SCN10A: variants seen among roughly 807,000 people sequenced by gnomAD.
The protein encoded by SCN10A is sodium channel protein type 10 subunit alpha.
A neutral mutation model predicts 170.7 loss-of-function variants in SCN10A; 162 were observed. The ratio of observed to expected loss-of-function variants is 0.95; its 90% CI spans 0.84 to 1.08. The LOEUF is 1.08. Among genes scored for constraint, SCN10A ranks in the 50% least tolerant of loss-of-function variants. The probability of loss-of-function intolerance (pLI) is 0.00; values close to 1 mark genes in which losing one functional copy is unlikely to be tolerated. For synonymous variants in SCN10A, 985 were observed against 904.6 expected (o/e 1.09, Z -1.59); for missense variants, 2,527 against 2,436.9 (o/e 1.04, Z -0.78).
At chr3:38,751,769 G>T (rs184961423) in intron 12 of SCN10A, among the ~76,000 whole-genome samples, 43 of 152,284 alleles carry the variant, frequency 2.8e-4, no homozygotes, top group African/African-American at 1.0e-3. Context: ...AAGGAATACT[G>T]TGCTTCTATT....
chr3:38,800,864 G>A (rs1300963523), intron 1 of SCN10A, among the ~76,000 whole-genome samples: 1 of 152,140 alleles, frequency 6.6e-6, no homozygotes, highest in Non-Finnish European at 1.5e-5. Flanking sequence ...GGCTATAGTA[G>A]CACCTTGACT....
intron 27 of SCN10A, among the ~76,000 whole-genome samples, 168 bp from the exon 28 acceptor site, chr3:38,698,730 G>A (rs2063125526): frequency 6.6e-6 from 1 of 152,114 alleles, no homozygotes; most frequent in Non-Finnish European, 1.5e-5. Flanking sequence ...CAAAGTAGGG[G>A]CTCAGTAAAT....
rs779477877 is a variant in SCN10A at position 38,792,145 on chromosome 3, C to G, written c.294G>C (p.Gly98=). The G allele has an allele frequency of 2.5e-6, 4 of 1,613,826 alleles. No individual in the cohort carries two copies. The Admixed American group carries it at 6.7e-5, about 27-fold the overall frequency. Residue 98 remains glycine (G), a synonymous_variant, in exon 3 of 28, where the codon GGG becomes GGC. Transcript: ENST00000449082. ...THRTFMVLNK[G]RTISRFSATR... Reference sequence around the variant, plus strand: ...TGGCACTAAACCGGGAAATGGTCCTCCCTTTGTTCAGCACCATAAATGTCT... The same window carrying G: ...TGGCACTAAACCGGGAAATGGTCCTGCCTTTGTTCAGCACCATAAATGTCT...
chr3:38,798,786 C>CTTTTTTTTTTTTTTTTTTTTTTTTTTT (rs35930968), intron 1 of SCN10A, among the ~76,000 whole-genome samples: 1 of 97,732 alleles, frequency 1.0e-5, no homozygotes, highest in Non-Finnish European at 1.9e-5. Flanking sequence ...CCCTTGCCTC[C>CTTTTTTTTTTTTTTTTTTTTTTTTTTT]TTTTTTTTTT....
rs185892805 is a variant in SCN10A, at chr3:38,748,043, T to G, written c.1867+2030A>C. Among the ~76,000 whole-genome samples the G allele has an allele frequency of 2.6e-3, 400 of 152,198 alleles. 2 individuals carry two copies. Among genetic ancestry groups the G allele is most frequent in the African/African-American group, 9.1e-3 (378 of 41,514 alleles). ...ACACAACAGGGGCTCAACAAATGCT[T>G]GTTGATAAGAGAATAAATGAAAGAA... On this transcript the variant is annotated intron_variant, in intron 13 of 27. Coordinates refer to ENST00000449082, the MANE Select transcript of SCN10A (RefSeq NM_006514.4).
intron 26 of SCN10A, among the ~76,000 whole-genome samples, chr3:38,704,292 TG>T (rs2063186796): frequency 6.6e-6 from 1 of 152,186 alleles, no homozygotes; most frequent in South Asian, 2.1e-4. Context: ...ACATCTTTCC[TG>T]GGGCAGGAGG....
Position 38,793,960 on chromosome 3 carries a change from A to T in SCN10A, c.51T>A (p.Thr17=). 1 of 1,613,984 alleles carries T rather than the reference A, an allele frequency of 6.2e-7. No individual in the cohort carries two copies. The highest frequency in any genetic ancestry group is 8.5e-7 in the Non-Finnish European group (1 of 1,179,876). The change falls in exon 2 of 28, where the codon ACT becomes ACA. Residue 17 remains threonine, a synonymous_variant. Coordinates refer to ENST00000449082, the MANE Select transcript of SCN10A (RefSeq NM_006514.4). Reference sequence around the variant, plus strand: ...TCTCTATCTCCACCAGTGACTCCGGAGTAAAGCGACGGAAGTTGTTAGTTT... The same window carrying T: ...TCTCTATCTCCACCAGTGACTCCGGTGTAAAGCGACGGAAGTTGTTAGTTT... The part of the protein sequence containing the change: ...SLETNNFRRF[T]PESLVEIEKQ...
chr3:38,764,141 A>G (rs1178161235), intron 5 of SCN10A, among the ~76,000 whole-genome samples: 1 of 152,252 alleles, frequency 6.6e-6, no homozygotes, highest in Non-Finnish European at 1.5e-5. Context: ...CCCCACATGG[A>G]CACCCATGCA....
chr3:38,771,252 T>C (rs762644135), intron 5 of SCN10A, 27 bp downstream of exon 5: 1 of 1,611,748 alleles, frequency 6.2e-7, no homozygotes, highest in Non-Finnish European at 8.5e-7. Context: ...CTATCACACA[T>C]GCAGATCTGC....
At chr3:38,708,542 T>C (rs1196313409) in intron 25 of SCN10A, among the ~76,000 whole-genome samples, 1 of 152,110 alleles carries the variant, frequency 6.6e-6, no homozygotes, top group African/African-American at 2.4e-5. Flanking sequence ...CCCTAGTAGG[T>C]ATATATTTTA....
In SCN10A at chr3:38,728,535, C is replaced by A; in HGVS notation, c.2640+7G>T. 1 of 1,569,786 alleles carries A rather than the reference C, an allele frequency of 6.4e-7. No individual in the cohort carries two copies. The highest frequency in any genetic ancestry group is 1.2e-5 in the South Asian group (1 of 83,250). On this transcript the variant is annotated splice_region_variant and intron_variant, in intron 16 of 27. Transcript: ENST00000449082. ...AGACAGTGCCCCCAGCAGGGTTCACCACTCACCACCAGGTTCCCTAGCACC... is the reference window on the plus strand; with the variant it reads ...AGACAGTGCCCCCAGCAGGGTTCACAACTCACCACCAGGTTCCCTAGCACC...
At chr3:38,758,161 C>T (rs1451246564) in intron 8 of SCN10A, among the ~76,000 whole-genome samples, 1 of 152,208 alleles carries the variant, frequency 6.6e-6, no homozygotes, top group Non-Finnish European at 1.5e-5. Context: ...CAACCCATAC[C>T]ATGGATTAGA....
chr3:38,752,424 G>A lies in SCN10A; in HGVS notation c.1550C>T (p.Pro517Leu). ...FRSPGRDISL[P>L]EGVTDDGVFP... ...GACTCCATCATCTGTGACTCCCTCA[G>A]GGAGTGAGATATCTCGGCCAGGGGA... The change falls in exon 12 of 28, where the codon CCT (proline) becomes CTT (leucine). Residue 517 changes from proline (P) to leucine (L), a missense_variant. Physicochemically the swap from Pro to Leu is moderately conservative, Grantham distance 98. Transcript: ENST00000449082. 1 of 1,613,632 alleles carries A rather than the reference G, an allele frequency of 6.2e-7. No individual in the cohort carries two copies. Among genetic ancestry groups the A allele is most frequent in the Non-Finnish European group, 8.5e-7 (1 of 1,179,800 alleles).
intron 26 of SCN10A, 38 bp from the exon 27 acceptor site, chr3:38,702,147 G>C: frequency 6.6e-7 from 1 of 1,520,274 alleles, no homozygotes; most frequent in Non-Finnish European, 8.8e-7. Context: ...GGGCCTTTGG[G>C]CCAGCACAAA....
intron 25 of SCN10A, among the ~76,000 whole-genome samples, chr3:38,709,006 A>G (rs72864392): frequency 0.03 from 4,566 of 152,196 alleles, 226 homozygotes; most frequent in African/African-American, 0.1. Context: ...CTGGGATTCG[A>G]TTCCTATTAA....
intron 26 of SCN10A, among the ~76,000 whole-genome samples, chr3:38,705,101 T>C (rs7628873): frequency 0.025 from 3,788 of 152,352 alleles, 163 homozygotes; most frequent in African/African-American, 0.087. Context: ...CTATGGGTCC[T>C]GGAGTGCAGC....
intron 13 of SCN10A, among the ~76,000 whole-genome samples, chr3:38,747,695 T>G (rs1295310552): frequency 6.6e-6 from 1 of 152,220 alleles, no homozygotes; most frequent in Non-Finnish European, 1.5e-5. Flanking sequence ...GACCTTCTTT[T>G]GTCTTACCTA....
chr3:38,789,027 A>T lies in SCN10A; in HGVS notation c.399T>A (p.Ser133Arg). ...AIKVSVHSWF[S>R]LFITVTILVN... ...CCAAAATAGTGACCGTAATAAATAA[A>T]CTGAACCACCTGAAAGGCCTGTGTT... The change falls in exon 4 of 28, where the codon AGT becomes AGA. Residue 133 changes from serine to arginine, a missense_variant. Ser to Arg is a moderately radical substitution (Grantham distance 110). Coordinates refer to ENST00000449082, the MANE Select transcript of SCN10A (RefSeq NM_006514.4). 1 of 1,609,020 alleles carries T rather than the reference A, an allele frequency of 6.2e-7. No homozygotes were observed. Among genetic ancestry groups the T allele is most frequent in the Non-Finnish European group, 8.5e-7 (1 of 1,175,736 alleles).
chr3:38,814,288 T>G (rs1341929343), intron 1 of SCN10A, among the ~76,000 whole-genome samples: 2 of 152,166 alleles, frequency 1.3e-5, no homozygotes, highest in Non-Finnish European at 2.9e-5. Flanking sequence ...AGTGTTTCAC[T>G]CATGGGCTCA....
Sources: allele counts gnomAD v4.1 joint callset (sites outside exome capture counted in the v4.1 genomes callset), GRCh38; gene constraint gnomAD v4.1.1; transcripts MANE v1.5; gene names NCBI Gene and HGNC (gene_info 2026-07-23, HGNC 2026-07-21).